Variants in LMBR1 observed in about 807,000 individuals in gnomAD.
LMBR1 encodes the protein limb development membrane protein 1.
LMBR1 carries 52 observed loss-of-function variants against 73.9 expected under a neutral mutation model. The ratio of observed to expected loss-of-function variants is 0.70; its 90% CI spans 0.56 to 0.89. The LOEUF is 0.89. Among genes scored for constraint, LMBR1 ranks in the 40% least tolerant of loss-of-function variants. The pLI is 0.00. For synonymous variants in LMBR1, 215 were observed against 209.4 expected (o/e 1.03, Z -0.23); for missense variants, 539 against 579.8 (o/e 0.93, Z 0.72).
At chr7:156,677,055 G>A (rs965848804), downstream of LMBR1, 27 of 161,544 alleles carry the variant, frequency 1.7e-4, no homozygotes, top group Admixed American at 7.7e-4. Context: ...CCTAATACTC[G>A]TTTTGTAATA....
intron 1 of LMBR1, among the ~76,000 whole-genome samples, chr7:156,856,930 A>G (rs563648495): frequency 6.6e-6 from 1 of 152,328 alleles, no homozygotes; most frequent in Non-Finnish European, 1.5e-5. Flanking sequence ...TCATGAAGCA[A>G]TACAATGTTA....
intron 1 of LMBR1, among the ~76,000 whole-genome samples, chr7:156,877,260 T>C (rs1309575450): frequency 6.6e-6 from 1 of 151,810 alleles, no homozygotes; most frequent in East Asian, 1.9e-4. Flanking sequence ...AAAATGGTAA[T>C]TTTAAAAATT....
At chr7:156,809,699 C>T (rs1394508171) in intron 4 of LMBR1, among the ~76,000 whole-genome samples, 1 of 152,204 alleles carries the variant, frequency 6.6e-6, no homozygotes. Context: ...TGTTGCTACA[C>T]TGTCACAACG....
chr7:156,881,576 T>G (rs1041727724), intron 1 of LMBR1, among the ~76,000 whole-genome samples: 1 of 152,062 alleles, frequency 6.6e-6, no homozygotes, highest in South Asian at 2.1e-4. Flanking sequence ...AAACTGTATA[T>G]CTGAAAAGGG....
At position 156,725,448 on chromosome 7, in the gene LMBR1, G is replaced by A. The variant is rs1335794635; in HGVS notation, c.1145C>T (p.Thr382Ile). 1.9e-6 allele frequency: 3 copies of A among 1,605,286 alleles called. No individual in the cohort carries two copies. The African/African-American group carries it at 4.0e-5, about 22-fold the overall frequency. ...ATTCTACCTTACCTTTGTCATAGTT[G>A]TGTCATCTTTCTTGGGAGTAAAGTT... is the stretch of plus-strand genomic sequence containing the variant. ...FGNFTPKKDD[T>I]TMTKIIGNCV... Residue 382 changes from threonine to isoleucine, a missense_variant, in exon 14 of 17, where the codon ACA becomes ATA. Physicochemically the swap from Thr to Ile is moderately conservative, Grantham distance 89. Transcript: ENST00000353442.
rs1465890734 is a variant in LMBR1, at chr7:156,826,615, G to T, written c.309C>A (p.Ser103=). The stretch of plus-strand genomic sequence containing the variant: ...GCAATATATACTAACCATGAATCAG[G>T]GAGCCATTTAGCCACTGAATATAGT... The part of the protein sequence containing the change: ...QNYYIQWLNG[S]LIHGLWNLAS... The change falls in exon 4 of 17, where the codon TCC becomes TCA. Residue 103 remains serine, a synonymous_variant. Transcript: ENST00000353442. 9 of 1,551,068 alleles carry T rather than the reference G, an allele frequency of 5.8e-6. No individual in the cohort carries two copies. The South Asian group carries it at 1.1e-4, about 19-fold the overall frequency.
rs1459765251 is a variant in LMBR1 at position 156,685,365 on chromosome 7, A to G, written c.1388-1202T>C. 6.6e-6 allele frequency among the ~76,000 whole-genome samples: 1 copy of G among 152,198 alleles called. No individual in the cohort carries two copies. The highest frequency in any genetic ancestry group is 1.5e-5 in the Non-Finnish European group (1 of 68,036). Reference sequence around the variant, plus strand: ...CAACACAGTCAGGTGTTGCCGAACAACAGGAATGCATTCTGAGAAATGCGC... The same window carrying G: ...CAACACAGTCAGGTGTTGCCGAACAGCAGGAATGCATTCTGAGAAATGCGC... On this transcript the variant is annotated intron_variant, in intron 16 of 16. Transcript: ENST00000353442. The surrounding 1 kb of genome is among the most constrained non-coding windows in gnomAD (Gnocchi z 4.1).
chr7:156,791,080 G>C (rs1829143275), intron 5 of LMBR1, among the ~76,000 whole-genome samples: 2 of 152,052 alleles, frequency 1.3e-5, no homozygotes, highest in African/African-American at 4.8e-5. Flanking sequence ...TTTTCTTGAA[G>C]GTGTTGGGAA....
chr7:156,847,366 T>C (rs1795640006), intron 1 of LMBR1, among the ~76,000 whole-genome samples: 1 of 152,190 alleles, frequency 6.6e-6, no homozygotes, highest in African/African-American at 2.4e-5. Context: ...AAAATCTAGA[T>C]GGCCTTGGGT....
At chr7:156,884,548 G>C (rs529655891) in intron 1 of LMBR1, among the ~76,000 whole-genome samples, 6 of 152,302 alleles carry the variant, frequency 3.9e-5, no homozygotes, top group African/African-American at 1.4e-4. Flanking sequence ...TCCAGTTACA[G>C]AATTTTTCCA....
chr7:156,874,422 G>C (rs550660404), intron 1 of LMBR1, among the ~76,000 whole-genome samples: 34 of 152,366 alleles, frequency 2.2e-4, no homozygotes, highest in South Asian at 4.1e-4. Flanking sequence ...GTGGGCTCCA[G>C]CCTCGGCCCA....
chr7:156,764,343 T>G (rs7804765), intron 5 of LMBR1, among the ~76,000 whole-genome samples: 16,230 of 152,288 alleles, frequency 0.11, 915 homozygotes, highest in East Asian at 0.15. Context: ...TATGATGCTT[T>G]TCTTCACATT....
At chr7:156,724,004 A>G in intron 15 of LMBR1, 108 bp downstream of exon 15, 1 of 744,228 alleles carries the variant, frequency 1.3e-6, no homozygotes, top group South Asian at 1.8e-5. Flanking sequence ...TGTAGGAAGA[A>G]ACACTGTATT....
intron 1 of LMBR1, among the ~76,000 whole-genome samples, chr7:156,874,018 T>G (rs910289765): frequency 6.6e-6 from 1 of 152,242 alleles, no homozygotes; most frequent in Non-Finnish European, 1.5e-5. Context: ...TCCTCAGCCC[T>G]TGGGTGGTCG....
intron 15 of LMBR1, among the ~76,000 whole-genome samples, chr7:156,719,521 A>T (rs191996542): frequency 8.5e-5 from 13 of 152,292 alleles, no homozygotes; most frequent in African/African-American, 3.1e-4. Context: ...GAAAATGGCC[A>T]TACTGCCCCA....
In LMBR1 at chr7:156,758,487, G is replaced by A. The variant is rs993872607; in HGVS notation, c.685-2022C>T. Among the ~76,000 whole-genome samples, 3 of 152,218 alleles carry A rather than the reference G, an allele frequency of 2.0e-5. No individual in the cohort carries two copies. The East Asian group carries it at 5.8e-4, about 29-fold the overall frequency. On this transcript the variant is annotated intron_variant, in intron 8 of 16. Coordinates refer to ENST00000353442, the MANE Select transcript of LMBR1 (RefSeq NM_022458.4). Reference sequence around the variant, plus strand: ...TCCCCAGTATTGGAGGTGGGACCCTGTAGGAAGTATTTGGGTCATGGGGGT... The same window carrying A: ...TCCCCAGTATTGGAGGTGGGACCCTATAGGAAGTATTTGGGTCATGGGGGT...
chr7:156,683,295 G>C lies in LMBR1; in HGVS notation c.*783C>G, dbSNP rs1009198905. ...TATAAGGTAAAAATCCAAGTTACAAGTGTATTAAACACTGGCAACTATGTT... is the reference window on the plus strand; with the variant it reads ...TATAAGGTAAAAATCCAAGTTACAACTGTATTAAACACTGGCAACTATGTT... On this transcript the variant is annotated 3_prime_UTR_variant, in exon 17 of 17. Coordinates refer to ENST00000353442, the MANE Select transcript of LMBR1 (RefSeq NM_022458.4). The C allele has an allele frequency of 6.6e-6, 1 of 152,324 alleles. No individual in the cohort carries two copies. Among genetic ancestry groups the C allele is most frequent in the Non-Finnish European group, 1.5e-5 (1 of 68,024 alleles). 9.4% of individuals were successfully genotyped at this position (152,324 alleles called of 1,614,324 possible).
chr7:156,741,749 A>C (rs1818937634), intron 9 of LMBR1, among the ~76,000 whole-genome samples: 1 of 152,198 alleles, frequency 6.6e-6, no homozygotes, highest in South Asian at 2.1e-4. Flanking sequence ...CCAATAACAG[A>C]AAATCAAAAA....
chr7:156,786,202 G>GGGAAGGGAAGGAAGGA (rs1235846315), intron 5 of LMBR1, among the ~76,000 whole-genome samples: 1 of 145,480 alleles, frequency 6.9e-6, no homozygotes, highest in Non-Finnish European at 1.5e-5. Flanking sequence ...AGGTAGGGAA[G>GGGAAGGGAAGGAAGGA]GGAAGGGAAG....
Sources: allele counts gnomAD v4.1 joint callset (sites outside exome capture counted in the v4.1 genomes callset), GRCh38; gene constraint gnomAD v4.1.1; non-coding constraint Gnocchi (gnomAD v3.1); transcripts MANE v1.5; gene names NCBI Gene and HGNC (gene_info 2026-07-23, HGNC 2026-07-21).